Variants in ARID3A observed in about 807,000 individuals in gnomAD.
The protein encoded by ARID3A is AT-rich interaction domain 3A, also known as AT-rich interactive domain-containing protein 3A.
In ARID3A, 11 loss-of-function variants were observed where a neutral mutation model predicts 52.7. The ratio of observed to expected loss-of-function variants is 0.21; its 90% CI spans 0.13 to 0.35. The LOEUF is 0.35. ARID3A is among the 10% of genes least tolerant of loss of function. The probability of loss-of-function intolerance (pLI) is 1.00; values close to 1 mark genes in which losing one functional copy is unlikely to be tolerated. For missense variants in ARID3A, 721 were observed against 838.5 expected (o/e 0.86, Z 1.73); for synonymous variants, 404 against 359.4 (o/e 1.12, Z -1.40).
chr19:951,832 G>A (rs1474022942), intron 3 of ARID3A, among the ~76,000 whole-genome samples: 3 of 152,094 alleles, frequency 2.0e-5, no homozygotes, highest in East Asian at 3.9e-4. Context: ...GTGCAAAAAC[G>A]TGCCTTTTAG....
chr19:933,384 G>T (rs560923105), intron 3 of ARID3A, among the ~76,000 whole-genome samples: 2 of 152,174 alleles, frequency 1.3e-5, no homozygotes, highest in African/African-American at 4.8e-5. Context: ...GGAAGTGGCC[G>T]GGCGGGGGAT....
intron 3 of ARID3A, among the ~76,000 whole-genome samples, chr19:946,934 C>CA (rs2037698301): frequency 6.6e-6 from 1 of 151,360 alleles, no homozygotes; most frequent in African/African-American, 2.4e-5. Flanking sequence ...GCTGGGATTA[C>CA]AGGTGCGCCA....
intron 3 of ARID3A, among the ~76,000 whole-genome samples, chr19:952,336 A>G (rs911512446): frequency 2.1e-5 from 3 of 145,832 alleles, no homozygotes; most frequent in African/African-American, 7.6e-5. Context: ...CAACTACTCC[A>G]GAGGCTGAGG....
intron 4 of ARID3A, chr19:961,756 T>G (rs2038046015): frequency 6.6e-6 from 1 of 152,206 alleles, no homozygotes; most frequent in South Asian, 2.1e-4. Flanking sequence ...CCGTCTCTAC[T>G]AAAAGTACAA....
In ARID3A at chr19:947,631, T is replaced by C. The variant is rs1599402873; in HGVS notation, c.694-12461T>C. Among the ~76,000 whole-genome samples the C allele has an allele frequency of 6.6e-6, 1 of 152,186 alleles. No individual in the cohort carries two copies. Among genetic ancestry groups the C allele is most frequent in the East Asian group, 1.9e-4 (1 of 5,198 alleles). ...CCGTCACGGGAGAATGAGGAGGGTC[T>C]GGCGTCAGCAAGCTCCCCCGGAATC... On this transcript the variant is annotated intron_variant, in intron 3 of 8. Coordinates refer to ENST00000263620, the MANE Select transcript of ARID3A (RefSeq NM_005224.3). This position sits in a 1 kb window ranked among gnomAD's most constrained non-coding sequence, Gnocchi z 6.3.
Position 975,596 on chromosome 19 carries a change from A to G in ARID3A, c.*3531A>G, listed in dbSNP as rs201440634. ...GCCTGAAACTCAGGTAATAGGAGGA[A>G]AAAAAAAAAAACTTAAAAAAATTTT... On this transcript the variant is annotated 3_prime_UTR_variant, in exon 9 of 9. Coordinates refer to ENST00000263620, the MANE Select transcript of ARID3A (RefSeq NM_005224.3). 4.4e-3 allele frequency: 911 copies of G among 208,688 alleles called. 6 individuals are homozygous for G. The highest frequency in any genetic ancestry group is 0.02 in the African/African-American group (861 of 43,710). 12.9% of individuals were successfully genotyped at this position (208,688 alleles called of 1,614,324 possible).
Position 964,227 on chromosome 19 carries a change from C to T in ARID3A, c.767-21C>T. On this transcript the variant is annotated intron_variant, in intron 4 of 8. Coordinates refer to ENST00000263620, the MANE Select transcript of ARID3A (RefSeq NM_005224.3). The surrounding 1 kb of genome is among the most constrained non-coding windows in gnomAD (Gnocchi z 5.7). ...GCAGTGCCCAGGTGGCCCCCAACCT[C>T]CCTCTCGCCCCTTCCCCCAGGGACA... 1.3e-6 allele frequency: 2 copies of T among 1,597,166 alleles called. No homozygotes were observed. Among genetic ancestry groups the T allele is most frequent in the Non-Finnish European group, 8.6e-7 (1 of 1,168,422 alleles).
At position 942,982 on chromosome 19, in the gene ARID3A, G is replaced by A. The variant is rs1048321797; in HGVS notation, c.693+10240G>A. Among the ~76,000 whole-genome samples, 1 of 152,142 alleles carries A rather than the reference G, an allele frequency of 6.6e-6. No individual in the cohort carries two copies. Among genetic ancestry groups the A allele is most frequent in the Non-Finnish European group, 1.5e-5 (1 of 68,034 alleles). Reference sequence around the variant, plus strand: ...GGTGGCCCCAAATCCCATGCCGGTCGGTTGTCCTCTAAGGGGGAGGTCACA... The same window carrying A: ...GGTGGCCCCAAATCCCATGCCGGTCAGTTGTCCTCTAAGGGGGAGGTCACA... On this transcript the variant is annotated intron_variant, in intron 3 of 8. Coordinates refer to ENST00000263620, the MANE Select transcript of ARID3A (RefSeq NM_005224.3). This position sits in a 1 kb window ranked among gnomAD's most constrained non-coding sequence, Gnocchi z 8.1.
rs906586472 is a variant in ARID3A, at chr19:972,226, T to G, written c.*161T>G. 2.2e-4 allele frequency: 47 copies of G among 213,418 alleles called. No homozygotes were observed. Among genetic ancestry groups the G allele is most frequent in the African/African-American group, 6.0e-4 (25 of 41,414 alleles). 13.2% of individuals were successfully genotyped at this position (213,418 alleles called of 1,614,324 possible). A position where few individuals can be genotyped will look rare whatever the true frequency, so the allele number is the denominator to read the frequency against. On this transcript the variant is annotated 3_prime_UTR_variant, in exon 9 of 9. Coordinates refer to ENST00000263620, the MANE Select transcript of ARID3A (RefSeq NM_005224.3). ...CGCCAAAAAGAAAAGAAAAAAGATATATATATATATATATATATATACACG... is the reference window on the plus strand; with the variant it reads ...CGCCAAAAAGAAAAGAAAAAAGATAGATATATATATATATATATATACACG...
At chr19:930,714 T>G (rs2037306330) in intron 2 of ARID3A, among the ~76,000 whole-genome samples, 1 of 150,672 alleles carries the variant, frequency 6.6e-6, no homozygotes, top group Non-Finnish European at 1.5e-5. Flanking sequence ...TTTCACCATG[T>G]TAGCCAAGAT....
chr19:956,663 T>G (rs956773465), intron 3 of ARID3A: 4 of 152,114 alleles, frequency 2.6e-5, no homozygotes, highest in African/African-American at 9.7e-5. Flanking sequence ...CTGGCCGGGT[T>G]GGGGCGGAGA....
At chr19:953,680 G>T (rs529544536) in intron 3 of ARID3A, among the ~76,000 whole-genome samples, 10 of 152,238 alleles carry the variant, frequency 6.6e-5, no homozygotes, top group Non-Finnish European at 1.3e-4. Context: ...CGACGTTTGG[G>T]CGGGAAGGCA....
At position 960,638 on chromosome 19, in the gene ARID3A, G is replaced by C. The variant is rs758314376; in HGVS notation, c.766+474G>C. ...CTAATGATCTCATGGCGGCCAATGC[G>C]ACATTTGAGTCCTGGCCCCTCCCCT... On this transcript the variant is annotated intron_variant, in intron 4 of 8. Coordinates refer to ENST00000263620, the MANE Select transcript of ARID3A (RefSeq NM_005224.3). The surrounding 1 kb of genome is among the most constrained non-coding windows in gnomAD (Gnocchi z 4.3). Among the ~76,000 whole-genome samples, 1 of 152,060 alleles carries C rather than the reference G, an allele frequency of 6.6e-6. No homozygotes were observed.
intron 1 of ARID3A, among the ~76,000 whole-genome samples, chr19:926,571 G>A (rs1311067098): frequency 6.6e-6 from 1 of 151,880 alleles, no homozygotes; most frequent in African/African-American, 2.4e-5. Context: ...AGCCCAGAGA[G>A]GAGGGAGGGT....
rs1488033783 is a variant in ARID3A, at chr19:974,528, A to G, written c.*2463A>G. 4.4e-6 allele frequency: 1 copy of G among 229,784 alleles called. No individual in the cohort carries two copies. The highest frequency in any genetic ancestry group is 8.6e-6 in the Non-Finnish European group (1 of 116,062). 14.2% of individuals were successfully genotyped at this position (229,784 alleles called of 1,614,324 possible). ...AAGCGCCTGCTGCCTATCTCTGTCTACCTCAGGTCTGACTTTTGATGCCAA... is the reference window on the plus strand; with the variant it reads ...AAGCGCCTGCTGCCTATCTCTGTCTGCCTCAGGTCTGACTTTTGATGCCAA... On this transcript the variant is annotated 3_prime_UTR_variant, in exon 9 of 9. Coordinates refer to ENST00000263620, the MANE Select transcript of ARID3A (RefSeq NM_005224.3).
chr19:935,531 G>A (rs1474170433), intron 3 of ARID3A, among the ~76,000 whole-genome samples: 1 of 152,190 alleles, frequency 6.6e-6, no homozygotes, highest in African/African-American at 2.4e-5. Context: ...AGGCTGGAGT[G>A]TAGTGGTGCT....
At chr19:965,115 AAC>A in intron 6 of ARID3A, 35 bp downstream of exon 6, 1 of 1,556,970 alleles carries the variant, frequency 6.4e-7, no homozygotes, top group Non-Finnish European at 8.7e-7. Flanking sequence ...GCGTGTTCCC[AAC>A]TGAGCTTCAG....
chr19:937,533 C>T (rs1279747634), intron 3 of ARID3A, among the ~76,000 whole-genome samples: 3 of 151,980 alleles, frequency 2.0e-5, no homozygotes, highest in African/African-American at 7.3e-5. Flanking sequence ...GTTTGTATTA[C>T]TTTTGGGTGT....
chr19:960,012 T>C lies in ARID3A; in HGVS notation c.694-80T>C. The C allele has an allele frequency of 7.7e-7, 1 of 1,293,962 alleles. No homozygotes were observed. The highest frequency in any genetic ancestry group is 1.1e-6 in the Non-Finnish European group (1 of 915,568). 80.2% of individuals were successfully genotyped at this position (1,293,962 alleles called of 1,614,324 possible). A position where few individuals can be genotyped will look rare whatever the true frequency, so the allele number is the denominator to read the frequency against. On this transcript the variant is annotated intron_variant, in intron 3 of 8. Transcript: ENST00000263620. The surrounding 1 kb of genome is among the most constrained non-coding windows in gnomAD (Gnocchi z 4.3). Reference sequence around the variant, plus strand: ...GACCCCTGCTCCTGTCCTCCTGACCTGGCCTCCAGTGCAGGAGGGACATGG... The same window carrying C: ...GACCCCTGCTCCTGTCCTCCTGACCCGGCCTCCAGTGCAGGAGGGACATGG...
Sources: allele counts gnomAD v4.1 joint callset (sites outside exome capture counted in the v4.1 genomes callset), GRCh38; gene constraint gnomAD v4.1.1; non-coding constraint Gnocchi (gnomAD v3.1); transcripts MANE v1.5; gene names NCBI Gene and HGNC (gene_info 2026-07-23, HGNC 2026-07-21).